FNDC3B: variants seen among roughly 807,000 people sequenced by gnomAD.
The protein encoded by FNDC3B is fibronectin type III domain-containing protein 3B.
A neutral mutation model predicts 151.5 loss-of-function variants in FNDC3B; 12 were observed. The ratio of observed to expected loss-of-function variants is 0.08; its 90% confidence interval spans 0.05 to 0.13. The LOEUF (loss-of-function observed/expected upper bound fraction) is 0.13, where lower values mean the gene tolerates loss of function less well. Among genes scored for constraint, FNDC3B ranks in the 10% least tolerant of loss-of-function variants. FNDC3B has a pLI of 1.00. For synonymous variants in FNDC3B, 528 were observed against 549.0 expected (o/e 0.96, Z 0.54); for missense variants, 1,214 against 1,505.3 (o/e 0.81, Z 3.20).
At chr3:172,085,203 A>G (rs1718487237) in intron 1 of FNDC3B, among the ~76,000 whole-genome samples, 1 of 152,230 alleles carries the variant, frequency 6.6e-6, no homozygotes, top group African/African-American at 2.4e-5. Context: ...GCTTCAGGAT[A>G]TGGCCTACAG....
intron 4 of FNDC3B, among the ~76,000 whole-genome samples, chr3:172,246,396 T>G (rs1489049757): frequency 6.6e-6 from 1 of 152,236 alleles, no homozygotes; most frequent in Non-Finnish European, 1.5e-5. Context: ...CCTTTCCTGA[T>G]TCTCCCATCT....
At chr3:172,145,218 G>A (rs531785052) in intron 3 of FNDC3B, among the ~76,000 whole-genome samples, 5 of 152,116 alleles carry the variant, frequency 3.3e-5, no homozygotes, top group African/African-American at 7.2e-5. Context: ...AAAAGCTCCC[G>A]GGTATGTATT....
chr3:172,119,720 T>G (rs371171200), intron 2 of FNDC3B, among the ~76,000 whole-genome samples: 4 of 152,340 alleles, frequency 2.6e-5, no homozygotes, highest in Admixed American at 6.5e-5. Flanking sequence ...CGGTGATCTC[T>G]TTGCTTGAAC....
At chr3:172,318,159 A>G (rs1034773501) in intron 11 of FNDC3B, among the ~76,000 whole-genome samples, 1 of 152,262 alleles carries the variant, frequency 6.6e-6, no homozygotes, top group Non-Finnish European at 1.5e-5. Flanking sequence ...CAGCTGTAAA[A>G]CACAGTGGAC....
intron 3 of FNDC3B, among the ~76,000 whole-genome samples, chr3:172,202,976 C>G (rs1725233177): frequency 6.6e-6 from 1 of 152,070 alleles, no homozygotes; most frequent in Non-Finnish European, 1.5e-5. Flanking sequence ...AAAAATGTGA[C>G]AACCATTTTT....
chr3:172,371,377 A>G (rs1293674586), intron 23 of FNDC3B, among the ~76,000 whole-genome samples: 2 of 152,184 alleles, frequency 1.3e-5, no homozygotes, highest in South Asian at 2.1e-4. Context: ...TGGTTGATCC[A>G]CAGATATGGA....
intron 3 of FNDC3B, among the ~76,000 whole-genome samples, chr3:172,137,952 G>T (rs1232843435): frequency 6.6e-6 from 1 of 152,164 alleles, no homozygotes. Context: ...TTTTGCCTTT[G>T]CTTCAGTTCA....
chr3:172,175,387 TG>T (rs1723530291), intron 3 of FNDC3B, among the ~76,000 whole-genome samples: 2 of 152,192 alleles, frequency 1.3e-5, no homozygotes, highest in South Asian at 2.1e-4. Context: ...GGTAGGCGGA[TG>T]GGCGGGTGGT....
chr3:172,306,098 G>A (rs927111850), intron 9 of FNDC3B, among the ~76,000 whole-genome samples: 1 of 152,086 alleles, frequency 6.6e-6, no homozygotes, highest in Non-Finnish European at 1.5e-5. Flanking sequence ...TTGACGTATG[G>A]CCTCTATGAA....
intron 3 of FNDC3B, among the ~76,000 whole-genome samples, chr3:172,216,023 T>A (rs1248103043): frequency 6.6e-6 from 1 of 152,200 alleles, no homozygotes; most frequent in Non-Finnish European, 1.5e-5. Flanking sequence ...TGCTAATAGA[T>A]CCTCTTCACG....
intron 3 of FNDC3B, among the ~76,000 whole-genome samples, chr3:172,155,722 TATTAA>T (rs756871419): frequency 6.6e-6 from 1 of 152,234 alleles, no homozygotes; most frequent in Non-Finnish European, 1.5e-5. Context: ...GAGGATGGGA[TATTAA>T]ATATGTAATA....
chr3:172,160,146 T>C (rs914584364), intron 3 of FNDC3B, among the ~76,000 whole-genome samples: 2 of 152,206 alleles, frequency 1.3e-5, no homozygotes, highest in African/African-American at 4.8e-5. Context: ...AGGGCAGCAG[T>C]GGGCATTACT....
chr3:172,395,909 C>A (rs546061143), intron 25 of FNDC3B, among the ~76,000 whole-genome samples: 10 of 152,146 alleles, frequency 6.6e-5, no homozygotes, highest in Non-Finnish European at 1.0e-4. Flanking sequence ...ATAGAAAAGA[C>A]TGACGATCAA....
chr3:172,346,509 T>A, intron 20 of FNDC3B, 69 bp downstream of exon 20: 2 of 936,020 alleles, frequency 2.1e-6, no homozygotes, highest in Admixed American at 4.6e-5. Context: ...ATACCAATTA[T>A]AAGGAAGCTG....
chr3:172,297,584 C>T (rs906753187), intron 8 of FNDC3B, among the ~76,000 whole-genome samples: 3 of 152,128 alleles, frequency 2.0e-5, no homozygotes, highest in East Asian at 1.9e-4. Flanking sequence ...ACGCCATTCT[C>T]CTGCCTCAGC....
rs779420662 is a variant in FNDC3B, at chr3:172,352,763, T to C, written c.2515-40T>C. The stretch of plus-strand genomic sequence containing the variant: ...ACTCAGAGGCATCAAAATGTGCTAA[T>C]GGTGTAATATGGCCTTTGTCTTGCT... On this transcript the variant is annotated intron_variant, in intron 21 of 25. Coordinates refer to ENST00000415807, the MANE Select transcript of FNDC3B (RefSeq NM_022763.4). The surrounding 1 kb of genome is among the most constrained non-coding windows in gnomAD (Gnocchi z 4.2). The C allele has an allele frequency of 5.7e-6, 9 of 1,589,708 alleles. No homozygotes were observed. The highest frequency in any genetic ancestry group is 7.7e-6 in the Non-Finnish European group (9 of 1,169,246).
At chr3:172,377,232 TG>T (rs1735196490) in intron 23 of FNDC3B, among the ~76,000 whole-genome samples, 1 of 152,226 alleles carries the variant, frequency 6.6e-6, no homozygotes, top group African/African-American at 2.4e-5. Context: ...GACGAAGCCC[TG>T]GAAATGTAGA....
intron 4 of FNDC3B, among the ~76,000 whole-genome samples, chr3:172,229,677 C>T (rs1214738716): frequency 6.6e-6 from 1 of 152,068 alleles, no homozygotes; most frequent in Non-Finnish European, 1.5e-5. Flanking sequence ...TAGAATACTG[C>T]GTGGCACAAA....
At position 172,236,898 on chromosome 3, in the gene FNDC3B, C is replaced by A. The variant is rs912922871; in HGVS notation, c.264+9951C>A. On this transcript the variant is annotated intron_variant, in intron 4 of 25. Coordinates refer to ENST00000415807, the MANE Select transcript of FNDC3B (RefSeq NM_022763.4). Reference sequence around the variant, plus strand: ...TATTTGTTTCCATTCTCCTGTCCAACCCTCAGGGGTTACTGTCATTGGACA... The same window carrying A: ...TATTTGTTTCCATTCTCCTGTCCAAACCTCAGGGGTTACTGTCATTGGACA... Among the ~76,000 whole-genome samples, 3 of 152,190 alleles carry A rather than the reference C, an allele frequency of 2.0e-5. No homozygotes were observed. In the East Asian group the frequency reaches 5.8e-4, roughly 29 times the overall value.
Sources: allele counts gnomAD v4.1 joint callset (sites outside exome capture counted in the v4.1 genomes callset), GRCh38; gene constraint gnomAD v4.1.1; non-coding constraint Gnocchi (gnomAD v3.1); transcripts MANE v1.5; gene names NCBI Gene and HGNC (gene_info 2026-07-23, HGNC 2026-07-21).